HCN1: variants seen among roughly 807,000 people sequenced by gnomAD.
HCN1 encodes the protein potassium/sodium hyperpolarization-activated cyclic nucleotide-gated channel 1.
In HCN1, 13 loss-of-function variants were observed where a neutral mutation model predicts 78.9. The observed-to-expected ratio is 0.16, with a 90% confidence interval of 0.11 to 0.26. HCN1 has a LOEUF of 0.26. Ranked by LOEUF, HCN1 falls within the 10% of genes least tolerant of loss-of-function variation. The pLI is 1.00. For missense variants in HCN1, 810 were observed against 1,154.3 expected (o/e 0.70, Z 4.32); for synonymous variants, 552 against 455.5 (o/e 1.21, Z -2.70).
chr5:45,434,632 CAA>C lies in HCN1; in HGVS notation c.1011+27212_1011+27213del, dbSNP rs1579892287. Among the ~76,000 whole-genome samples the C allele has an allele frequency of 2.0e-5, 3 of 152,228 alleles. No homozygotes were observed. The East Asian group carries it at 5.8e-4, about 29-fold the overall frequency. On this transcript the variant is annotated intron_variant, in intron 3 of 7. Coordinates refer to ENST00000303230, the MANE Select transcript of HCN1 (RefSeq NM_021072.4). ...CATTTGGCCAATGTCTGAACAATGA[CAA>C]AGAGTATGGGTGATTTGAAAATTGC...
chr5:45,289,705 G>A (rs574775047), intron 6 of HCN1, among the ~76,000 whole-genome samples: 1 of 152,094 alleles, frequency 6.6e-6, no homozygotes, highest in Admixed American at 6.6e-5. Flanking sequence ...GATGTCAAAG[G>A]AATCTTCTTA....
At chr5:45,683,655 A>G (rs1181089788) in intron 1 of HCN1, among the ~76,000 whole-genome samples, 1 of 150,876 alleles carries the variant, frequency 6.6e-6, no homozygotes, top group Admixed American at 6.6e-5. Flanking sequence ...ATACACACAC[A>G]CACACATATG....
chr5:45,550,940 T>A (rs1561198045), intron 2 of HCN1, among the ~76,000 whole-genome samples: 1 of 151,984 alleles, frequency 6.6e-6, no homozygotes, highest in Non-Finnish European at 1.5e-5. Flanking sequence ...TTTCCATTTC[T>A]ATGGATTTTG....
chr5:45,637,239 CCA>C (rs1480985873), intron 2 of HCN1, among the ~76,000 whole-genome samples: 1 of 152,116 alleles, frequency 6.6e-6, no homozygotes, highest in Non-Finnish European at 1.5e-5. Flanking sequence ...CTACTCCCTA[CCA>C]CACACTCATA....
intron 6 of HCN1, among the ~76,000 whole-genome samples, chr5:45,278,227 A>T (rs555478300): frequency 6.6e-6 from 1 of 151,814 alleles, no homozygotes; most frequent in East Asian, 1.9e-4. Context: ...TATTTCCTTC[A>T]CTCGATAGAT....
chr5:45,289,647 G>A (rs930208582), intron 6 of HCN1, among the ~76,000 whole-genome samples: 2 of 152,056 alleles, frequency 1.3e-5, no homozygotes, highest in African/African-American at 4.8e-5. Flanking sequence ...AGACTCAAAA[G>A]TCAAATGGGA....
chr5:45,687,536 A>AT (rs1389741244), intron 1 of HCN1, among the ~76,000 whole-genome samples: 3 of 151,400 alleles, frequency 2.0e-5, no homozygotes, highest in Admixed American at 6.6e-5. Context: ...ATTTCTTACT[A>AT]TTTTTTTCAT....
chr5:45,616,861 C>G (rs1744967814), intron 2 of HCN1, among the ~76,000 whole-genome samples: 1 of 151,912 alleles, frequency 6.6e-6, no homozygotes, highest in African/African-American at 2.4e-5. Context: ...TACAACCATG[C>G]TTCCAAACAC....
rs369961840 is a variant in HCN1 at position 45,372,093 on chromosome 5, A to AT, written c.1231-18848dup. The stretch of plus-strand genomic sequence containing the variant: ...TATATTATATATAATATAATTATAT[A>AT]TATATTTTATATATAATATAATTAT... On this transcript the variant is annotated intron_variant, in intron 4 of 7. Transcript: ENST00000303230. Among the ~76,000 whole-genome samples the AT allele has an allele frequency of 5.4e-3, 297 of 54,562 alleles. 3 individuals carry two copies. The highest frequency in any genetic ancestry group is 8.0e-3 in the African/African-American group (81 of 10,188). 35.8% of individuals were successfully genotyped at this position (54,562 alleles called of 152,430 possible).
At chr5:45,495,756 T>C (rs977557596) in intron 2 of HCN1, among the ~76,000 whole-genome samples, 1 of 152,196 alleles carries the variant, frequency 6.6e-6, no homozygotes, top group Non-Finnish European at 1.5e-5. Flanking sequence ...ATAGCTCTTA[T>C]TATTTTGAAA....
At chr5:45,567,948 A>AT (rs1743744199) in intron 2 of HCN1, among the ~76,000 whole-genome samples, 1 of 150,894 alleles carries the variant, frequency 6.6e-6, no homozygotes, top group Non-Finnish European at 1.5e-5. Flanking sequence ...ACACACACAT[A>AT]TACACACACT....
At chr5:45,305,687 G>C (rs939323851) in intron 5 of HCN1, among the ~76,000 whole-genome samples, 6 of 151,328 alleles carry the variant, frequency 4.0e-5, no homozygotes, top group African/African-American at 1.2e-4. Flanking sequence ...GGGGAGGAAG[G>C]AAAGAAAGAA....
intron 4 of HCN1, among the ~76,000 whole-genome samples, chr5:45,374,220 A>G (rs1458288085): frequency 1.7e-5 from 2 of 119,472 alleles, no homozygotes; most frequent in East Asian, 2.1e-4. Flanking sequence ...TATATTATGT[A>G]CATTATATAC....
At chr5:45,664,999 C>T (rs1460664124) in intron 1 of HCN1, among the ~76,000 whole-genome samples, 6 of 151,408 alleles carry the variant, frequency 4.0e-5, no homozygotes, top group African/African-American at 7.3e-5. Flanking sequence ...CACATGCACA[C>T]GTATGCTATT....
rs1745972750 is a variant in HCN1 at position 45,315,732 on chromosome 5, A to G, written c.1378-11893T>C. 2.0e-5 allele frequency among the ~76,000 whole-genome samples: 3 copies of G among 152,204 alleles called. No homozygotes were observed. In the South Asian group the frequency reaches 6.2e-4, roughly 31 times the overall value. On this transcript the variant is annotated intron_variant, in intron 5 of 7. Transcript: ENST00000303230. ...CACAATAAAAAATGGTAAAGGGGAT[A>G]TCACCACCGATCCCACAGAAATACA...
intron 2 of HCN1, among the ~76,000 whole-genome samples, chr5:45,633,312 T>G (rs1227719894): frequency 6.6e-6 from 1 of 151,950 alleles, no homozygotes; most frequent in East Asian, 1.9e-4. Context: ...AAATATTTTT[T>G]TTAACTCAGG....
chr5:45,320,695 T>C (rs1746106711), intron 5 of HCN1, among the ~76,000 whole-genome samples: 1 of 151,538 alleles, frequency 6.6e-6, no homozygotes, highest in African/African-American at 2.4e-5. Context: ...CTTGAAGGTT[T>C]AGATATTAAC....
chr5:45,603,223 G>C (rs773366040), intron 2 of HCN1, among the ~76,000 whole-genome samples: 1 of 151,984 alleles, frequency 6.6e-6, no homozygotes, highest in Non-Finnish European at 1.5e-5. Context: ...GTATTGCCAA[G>C]CATACCTTTT....
At chr5:45,551,779 A>T (rs1743375718) in intron 2 of HCN1, among the ~76,000 whole-genome samples, 1 of 151,974 alleles carries the variant, frequency 6.6e-6, no homozygotes, top group Non-Finnish European at 1.5e-5. Flanking sequence ...GATTTATAAC[A>T]AAAACAATCT....
Sources: gnomAD v4.1 joint callset for allele counts (sites outside exome capture counted in the v4.1 genomes callset) on GRCh38, gnomAD v4.1.1 for gene constraint, MANE v1.5 for transcripts, NCBI Gene and HGNC (gene_info 2026-07-23, HGNC 2026-07-21) for gene names.